SPG11: variants seen among roughly 807,000 people sequenced by gnomAD.
The protein encoded by SPG11 is SPG11 vesicle trafficking associated, spatacsin, also known as spatacsin.
In SPG11, 222 loss-of-function variants were observed where a neutral mutation model predicts 274.0. That is an observed-to-expected ratio of 0.81 (90% CI 0.73 to 0.91). The LOEUF is 0.91. Among genes scored for constraint, SPG11 ranks in the 40% least tolerant of loss-of-function variants. The pLI, the probability that SPG11 is intolerant of heterozygous loss-of-function variation, is 0.00. For missense variants in SPG11, 3,114 were observed against 2,872.7 expected (o/e 1.08, Z -1.92); for synonymous variants, 1,144 against 1,039.7 (o/e 1.10, Z -1.93).
At chr15:44,640,475 A>G (rs934062547) in intron 7 of SPG11, among the ~76,000 whole-genome samples, 1 of 152,198 alleles carries the variant, frequency 6.6e-6, no homozygotes, top group South Asian at 2.1e-4. Context: ...TTCTAATATA[A>G]ATCCTAACAA....
chr15:44,659,083 C>T lies in SPG11; in HGVS notation c.663G>A (p.Trp221Ter). 1.2e-6 allele frequency: 2 copies of T among 1,614,012 alleles called. No homozygotes were observed. Among genetic ancestry groups the T allele is most frequent in the Non-Finnish European group, 1.7e-6 (2 of 1,179,928 alleles). The part of the protein sequence containing the change: ...GILFVLSSLG[W>*]IYIFDVVDGT... ...CACTTCTACCACCAAGGATACAGAT[C>T]CAGCCTAAACTACTCAAAACAAAAA... Residue 221 changes from tryptophan (W) to a stop codon, truncating the protein, a stop_gained, in exon 3 of 40, where the codon TGG becomes TGA. Transcript: ENST00000261866. LOFTEE classifies it high-confidence loss of function.
At chr15:44,614,590 G>A (rs2083544374) in intron 16 of SPG11, among the ~76,000 whole-genome samples, 1 of 152,146 alleles carries the variant, frequency 6.6e-6, no homozygotes, top group African/African-American at 2.4e-5. Flanking sequence ...ACAAATGTGG[G>A]CTCCAGAATA....
intron 4 of SPG11, among the ~76,000 whole-genome samples, chr15:44,655,172 T>C (rs764842452): frequency 1.3e-5 from 2 of 152,202 alleles, no homozygotes; most frequent in African/African-American, 2.4e-5. Flanking sequence ...CGTGAACGTA[T>C]AGTCCCAGCT....
intron 30 of SPG11, 121 bp from the exon 31 acceptor site, chr15:44,575,162 G>T: frequency 7.9e-7 from 1 of 1,268,404 alleles, no homozygotes; most frequent in Non-Finnish European, 1.1e-6. Flanking sequence ...ACTCTGACTG[G>T]GGATAGGACC....
chr15:44,587,856 A>T (rs1317160064), intron 28 of SPG11, among the ~76,000 whole-genome samples: 1 of 152,208 alleles, frequency 6.6e-6, no homozygotes, highest in East Asian at 1.9e-4. Flanking sequence ...AATTATTCAA[A>T]GATAGATTAT....
At chr15:44,573,451 CAT>C (rs2082466783) in intron 32 of SPG11, 94 bp downstream of exon 32, 2 of 1,298,246 alleles carry the variant, frequency 1.5e-6, no homozygotes, top group East Asian at 4.8e-5. Context: ...GAGAGAACCA[CAT>C]ACAGGATGTA....
At chr15:44,573,482 A>G (rs1283388108) in intron 32 of SPG11, 65 bp downstream of exon 32, 2 of 1,565,344 alleles carry the variant, frequency 1.3e-6, no homozygotes, top group Admixed American at 3.4e-5. Context: ...CAACATCCAA[A>G]TCCTTAACAC....
chr15:44,586,055 G>A (rs1390185850), intron 28 of SPG11, among the ~76,000 whole-genome samples: 4 of 130,714 alleles, frequency 3.1e-5, no homozygotes, highest in Non-Finnish European at 4.6e-5. Flanking sequence ...TGTGATCTCC[G>A]CTCGCTGCAA....
At chr15:44,563,591 G>A (rs536774230) in intron 39 of SPG11, among the ~76,000 whole-genome samples, 8 of 152,208 alleles carry the variant, frequency 5.3e-5, no homozygotes, top group Admixed American at 1.3e-4. Flanking sequence ...GCCTGCCTTG[G>A]CCTCCCAAAG....
intron 3 of SPG11, among the ~76,000 whole-genome samples, chr15:44,658,012 G>T (rs2084989921): frequency 6.6e-6 from 1 of 152,192 alleles, no homozygotes; most frequent in Admixed American, 6.5e-5. Context: ...GGGTGAGAGT[G>T]AGACCCTGTC....
At chr15:44,624,932 C>T (rs1486775068) in intron 11 of SPG11, among the ~76,000 whole-genome samples, 1 of 151,980 alleles carries the variant, frequency 6.6e-6, no homozygotes, top group Non-Finnish European at 1.5e-5. Flanking sequence ...GTCAAGAGTT[C>T]GAGACCAGCC....
chr15:44,603,052 A>T (rs554116900), intron 20 of SPG11, among the ~76,000 whole-genome samples: 28 of 146,186 alleles, frequency 1.9e-4, no homozygotes, highest in Non-Finnish European at 1.9e-4. Flanking sequence ...TCCAACAGGC[A>T]ATTTTTTTTT....
At chr15:44,622,617 A>G (rs2083784416) in intron 12 of SPG11, 111 bp downstream of exon 12, 1 of 915,916 alleles carries the variant, frequency 1.1e-6, no homozygotes, top group Non-Finnish European at 1.8e-6. Context: ...TACTTATTAG[A>G]TATTAGTTGA....
At chr15:44,649,362 C>T (rs2084696790) in intron 6 of SPG11, among the ~76,000 whole-genome samples, 1 of 152,018 alleles carries the variant, frequency 6.6e-6, no homozygotes. Context: ...TCACACCCAG[C>T]TAATTTTTAA....
At chr15:44,583,424 C>G (rs1056852132) in intron 30 of SPG11, among the ~76,000 whole-genome samples, 1 of 152,224 alleles carries the variant, frequency 6.6e-6, no homozygotes. Flanking sequence ...CACCATTGCA[C>G]TCCAGCCTGG....
intron 29 of SPG11, among the ~76,000 whole-genome samples, chr15:44,585,430 C>CAAAAAAAAAAAAA (rs67858533): frequency 1.0e-5 from 1 of 97,238 alleles, no homozygotes; most frequent in African/African-American, 4.2e-5. Context: ...ACTAAAAATA[C>CAAAAAAAAAAAAA]AAAAAAAAAA....
chr15:44,633,526 A>G lies in SPG11; in HGVS notation c.1714T>C (p.Ser572Pro). The G allele has an allele frequency of 1.9e-6, 3 of 1,602,620 alleles. No individual in the cohort carries two copies. The South Asian group carries it at 3.3e-5, about 18-fold the overall frequency. The part of the protein sequence containing the change: ...SSVSDQFDHL[S>P]SHLYLRNVEE... ...TTACTTCTTAAATATAAATGGGATG[A>G]CAAGTGATCAAACTGATCAGATACA... The change falls in exon 8 of 40, where the codon TCA becomes CCA. Residue 572 changes from serine to proline, a missense_variant. Ser to Pro is a moderately conservative substitution (Grantham distance 74). Coordinates refer to ENST00000261866, the MANE Select transcript of SPG11 (RefSeq NM_025137.4).
intron 30 of SPG11, among the ~76,000 whole-genome samples, chr15:44,580,927 G>C (rs1333910267): frequency 6.6e-6 from 1 of 152,164 alleles, no homozygotes. Flanking sequence ...CAAAATTATG[G>C]CTGATCAGTA....
At position 44,634,441 on chromosome 15, in the gene SPG11, A is replaced by C. The variant is rs181605891; in HGVS notation, c.1603-804T>G. 4.6e-3 allele frequency among the ~76,000 whole-genome samples: 610 copies of C among 133,116 alleles called. 18 individuals carry two copies. Among genetic ancestry groups the C allele is most frequent in the South Asian group, 0.042 (175 of 4,152 alleles). 87.3% of individuals were successfully genotyped at this position (133,116 alleles called of 152,430 possible). ...AGGCATGCACCACCACACCCAGCTG[A>C]TTTTTTTTTTTTTTTTGTATTTTTA... On this transcript the variant is annotated intron_variant, in intron 7 of 39. Coordinates refer to ENST00000261866, the MANE Select transcript of SPG11 (RefSeq NM_025137.4).
Sources: allele counts gnomAD v4.1 joint callset (sites outside exome capture counted in the v4.1 genomes callset), GRCh38; gene constraint gnomAD v4.1.1; transcripts MANE v1.5; gene names NCBI Gene and HGNC (gene_info 2026-07-23, HGNC 2026-07-21).